SYT6: variants seen among roughly 807,000 people sequenced by gnomAD.
The protein encoded by SYT6 is synaptotagmin 6.
A neutral mutation model predicts 38.4 loss-of-function variants in SYT6; 24 were observed. The observed-to-expected ratio is 0.62, with a 90% confidence interval of 0.45 to 0.88. The LOEUF (loss-of-function observed/expected upper bound fraction) is 0.88. Among genes scored for constraint, SYT6 ranks in the 40% least tolerant of loss-of-function variants. The pLI is 0.00. For missense variants in SYT6, 611 were observed against 621.0 expected, an observed-to-expected ratio of 0.98 and a Z score of 0.17; for synonymous variants, 265 against 241.9, an observed-to-expected ratio of 1.10 and a Z score of -0.89.
chr1:114,143,909 G>C (rs1679012390), intron 1 of SYT6, among the ~76,000 whole-genome samples: 1 of 147,944 alleles, frequency 6.8e-6, no homozygotes, highest in Non-Finnish European at 1.5e-5. Context: ...TTATTAAGCA[G>C]ACCTCCCATC....
chr1:114,136,079 G>C (rs570440470), intron 3 of SYT6, among the ~76,000 whole-genome samples: 11 of 152,254 alleles, frequency 7.2e-5, no homozygotes, highest in South Asian at 6.2e-4. Flanking sequence ...AAGCAAAGGT[G>C]GGGGAGGTAC....
chr1:114,134,142 C>T (rs1054769878), intron 3 of SYT6, among the ~76,000 whole-genome samples: 6 of 152,206 alleles, frequency 3.9e-5, no homozygotes, highest in Admixed American at 2.0e-4. Flanking sequence ...GCTCAGCATG[C>T]GGGTCACAGG....
rs1455069555 is a variant in SYT6, at chr1:114,093,764, TG to T, written c.*21del. On this transcript the variant is annotated 3_prime_UTR_variant, in exon 7 of 8. Transcript: ENST00000610222. Reference sequence around the variant, plus strand: ...AACTCCAGGTGGCAGTCTCTCTGCTTGCAGCATCCACGTGAATGAAATCACA... The same window carrying T: ...AACTCCAGGTGGCAGTCTCTCTGCTTCAGCATCCACGTGAATGAAATCACA... The T allele has an allele frequency of 1.2e-6, 2 of 1,614,062 alleles. No homozygotes were observed. Among genetic ancestry groups the T allele is most frequent in the Admixed American group, 3.3e-5 (2 of 60,012 alleles).
intron 3 of SYT6, among the ~76,000 whole-genome samples, chr1:114,106,918 C>A (rs1020121286): frequency 6.6e-6 from 1 of 152,182 alleles, no homozygotes; most frequent in Non-Finnish European, 1.5e-5. Flanking sequence ...TCAGCATGCC[C>A]AGCAGGACAC....
intron 1 of SYT6, among the ~76,000 whole-genome samples, chr1:114,149,214 A>T (rs865944174): frequency 0.013 from 224 of 17,886 alleles, 2 homozygotes; most frequent in Admixed American, 0.046. Flanking sequence ...AGAGAGAGAG[A>T]GATTGTGTGT....
chr1:114,093,929 T>G, intron 6 of SYT6, 126 bp from the exon 7 acceptor site: 1 of 860,302 alleles, frequency 1.2e-6, no homozygotes, highest in Non-Finnish European at 1.9e-6. Context: ...CAGACCTTCA[T>G]TTTAGGAGTT....
At chr1:114,148,942 G>A (rs533558348) in intron 1 of SYT6, among the ~76,000 whole-genome samples, 7 of 152,108 alleles carry the variant, frequency 4.6e-5, no homozygotes, top group Non-Finnish European at 1.0e-4. Flanking sequence ...GAGCTGTGGA[G>A]TCCCAGGCTG....
At chr1:114,150,479 C>G (rs1679389589) in intron 1 of SYT6, among the ~76,000 whole-genome samples, 1 of 152,148 alleles carries the variant, frequency 6.6e-6, no homozygotes. Context: ...ACAAACATCA[C>G]ATAAATTTCA....
At chr1:114,127,085 T>C (rs1017858973) in intron 3 of SYT6, among the ~76,000 whole-genome samples, 22 of 152,218 alleles carry the variant, frequency 1.4e-4, no homozygotes, top group Non-Finnish European at 2.4e-4. Flanking sequence ...CTCTGCTTAC[T>C]GCAGGTCAGA....
At chr1:114,108,957 TCAG>T (rs1452168592) in intron 3 of SYT6, among the ~76,000 whole-genome samples, 1 of 152,166 alleles carries the variant, frequency 6.6e-6, no homozygotes, top group Non-Finnish European at 1.5e-5. Context: ...TAAAAAGATC[TCAG>T]AAGCACTGGG....
rs1198010328 is a variant in SYT6 at position 114,090,249 on chromosome 1, G to A, written c.*1885C>T. 5 of 152,314 alleles carry A rather than the reference G, an allele frequency of 3.3e-5. No individual in the cohort carries two copies. The highest frequency in any genetic ancestry group is 6.5e-5 in the Admixed American group (1 of 15,284). 9.4% of individuals were successfully genotyped at this position (152,314 alleles called of 1,614,324 possible). A position where few individuals can be genotyped will look rare whatever the true frequency, so the allele number is the denominator to read the frequency against. On this transcript the variant is annotated 3_prime_UTR_variant, in exon 8 of 8. Transcript: ENST00000610222. The stretch of plus-strand genomic sequence containing the variant: ...GACCTTGGGTTTTTTCTCACTCTCA[G>A]GAGAACACCCAAATGTAGGACTACC...
intron 3 of SYT6, among the ~76,000 whole-genome samples, chr1:114,135,528 A>G (rs1364584538): frequency 6.8e-6 from 1 of 146,836 alleles, no homozygotes; most frequent in African/African-American, 2.5e-5. Flanking sequence ...GATGAGGATG[A>G]TGGTGATTTG....
rs545095551 is a variant in SYT6 at position 114,150,802 on chromosome 1, CT to C, written c.163+2807del. Among the ~76,000 whole-genome samples, 1,146 of 152,252 alleles carry C rather than the reference CT, an allele frequency of 7.5e-3. 16 individuals carry two copies. The highest frequency in any genetic ancestry group is 0.026 in the African/African-American group (1,077 of 41,536). ...TTTTTAAAGAAAAAGGGGAAACTTG[CT>C]TTTAGTTTGGACAGTTTGTGTACAG... is the stretch of plus-strand genomic sequence containing the variant. On this transcript the variant is annotated intron_variant, in intron 1 of 7. Coordinates refer to ENST00000610222, the MANE Select transcript of SYT6 (RefSeq NM_001253772.2).
intron 3 of SYT6, among the ~76,000 whole-genome samples, chr1:114,126,301 C>T (rs1047032941): frequency 1.3e-5 from 2 of 152,172 alleles, no homozygotes; most frequent in African/African-American, 4.8e-5. Context: ...GTCATAACAC[C>T]ATGGTCCGCG....
Position 114,153,708 on chromosome 1 carries a change from A to G in SYT6, c.65T>C (p.Leu22Pro). 1.5e-6 allele frequency: 1 copy of G among 680,814 alleles called. No homozygotes were observed. Among genetic ancestry groups the G allele is most frequent in the Non-Finnish European group, 2.7e-6 (1 of 373,364 alleles). 42.2% of individuals were successfully genotyped at this position (680,814 alleles called of 1,614,324 possible). The stretch of plus-strand genomic sequence containing the variant: ...GAGAGGGGGCGGCCGGGCCCGGCAC[A>G]GCGAGGCGAGGACCGCGAGCGCCTC... ...CQEALAVLAS[L>P]CRARPPPLGL... Residue 22 changes from leucine to proline, a missense_variant, in exon 1 of 8, where the codon CTG becomes CCG. By Grantham distance (98) the Leu-to-Pro change is moderately conservative (BLOSUM62 -3). Coordinates refer to ENST00000610222, the MANE Select transcript of SYT6 (RefSeq NM_001253772.2).
chr1:114,144,926 C>G (rs958492915), intron 1 of SYT6, among the ~76,000 whole-genome samples: 3 of 152,146 alleles, frequency 2.0e-5, no homozygotes, highest in Non-Finnish European at 2.9e-5. Context: ...CCTGAGCCAC[C>G]TACCACCACC....
At chr1:114,115,579 G>T (rs534860193) in intron 3 of SYT6, among the ~76,000 whole-genome samples, 6 of 152,124 alleles carry the variant, frequency 3.9e-5, no homozygotes, top group African/African-American at 1.4e-4. Context: ...ACCATGCCGG[G>T]CTGATTTTTG....
In SYT6 at chr1:114,091,409, G is replaced by A. The variant is rs1052329220; in HGVS notation, c.*725C>T. 2 of 152,362 alleles carry A rather than the reference G, an allele frequency of 1.3e-5. No individual in the cohort carries two copies. Among genetic ancestry groups the A allele is most frequent in the Admixed American group, 6.5e-5 (1 of 15,278 alleles). The allele number at this position is 152,362 out of a possible 1,614,324, so 9.4% of individuals were successfully genotyped here. On this transcript the variant is annotated 3_prime_UTR_variant, in exon 8 of 8. Transcript: ENST00000610222. The stretch of plus-strand genomic sequence containing the variant: ...GGGAAAGCCAGCGAGGAAGGGGAGC[G>A]AGGAACCCTGCACATCAGCTGAAGG...
chr1:114,144,281 G>C (rs996840709), intron 1 of SYT6, among the ~76,000 whole-genome samples: 6 of 152,192 alleles, frequency 3.9e-5, no homozygotes, highest in Admixed American at 3.3e-4. Context: ...TAAGTTTGAA[G>C]CCTCTGTATT....
Sources: allele counts gnomAD v4.1 joint callset (sites outside exome capture counted in the v4.1 genomes callset), GRCh38; gene constraint gnomAD v4.1.1; transcripts MANE v1.5; gene names NCBI Gene and HGNC (gene_info 2026-07-23, HGNC 2026-07-21).